Variants in CYP39A1 observed in about 807,000 individuals in gnomAD.
The protein encoded by CYP39A1 is cytochrome P450 family 39 subfamily A member 1, also known as 24-hydroxycholesterol 7-alpha-hydroxylase.
A neutral mutation model predicts 58.1 loss-of-function variants in CYP39A1; 49 were observed. That is an observed-to-expected ratio of 0.84 (90% confidence interval 0.67 to 1.07). The LOEUF is 1.07. Among genes scored for constraint, CYP39A1 ranks in the 50% least tolerant of loss-of-function variants. The probability of loss-of-function intolerance (pLI) is 0.00; values close to 1 mark genes in which losing one functional copy is unlikely to be tolerated. For missense variants in CYP39A1, 531 were observed against 539.4 expected, an observed-to-expected ratio of 0.98 and a Z score of 0.16; for synonymous variants, 209 against 187.6, an observed-to-expected ratio of 1.11 and a Z score of -0.93.
At chr6:46,588,156 C>A (rs1457203629) in intron 8 of CYP39A1, 27 bp from the exon 9 acceptor site, 3 of 1,421,296 alleles carry the variant, frequency 2.1e-6, no homozygotes, top group African/African-American at 2.9e-5. Context: ...AGCTGCAAAT[C>A]ATTTTTTTGA....
intron 1 of CYP39A1, among the ~76,000 whole-genome samples, chr6:46,645,567 CTTGA>C (rs1342324958): frequency 2.0e-5 from 3 of 152,136 alleles, no homozygotes; most frequent in African/African-American, 4.8e-5. Flanking sequence ...ACTAAATCAT[CTTGA>C]TTAATAATAG....
intron 8 of CYP39A1, among the ~76,000 whole-genome samples, chr6:46,594,518 C>T (rs1773026818): frequency 1.3e-5 from 2 of 151,954 alleles, no homozygotes; most frequent in South Asian, 2.1e-4. Context: ...CATTTACAGT[C>T]AATTGAATGT....
intron 11 of CYP39A1, among the ~76,000 whole-genome samples, chr6:46,551,344 G>C (rs1206722057): frequency 7.0e-6 from 1 of 142,982 alleles, no homozygotes; most frequent in Non-Finnish European, 1.5e-5. Context: ...ATTTCCTAAG[G>C]TTCTATGAAC....
chr6:46,648,192 G>T (rs1177328026), intron 1 of CYP39A1, among the ~76,000 whole-genome samples: 1 of 152,050 alleles, frequency 6.6e-6, no homozygotes, highest in Non-Finnish European at 1.5e-5. Context: ...AAATCATGCT[G>T]CTATAAAGAC....
intron 10 of CYP39A1, among the ~76,000 whole-genome samples, chr6:46,563,520 G>C (rs1191868214): frequency 1.3e-5 from 2 of 152,106 alleles, no homozygotes; most frequent in African/African-American, 4.8e-5. Context: ...ATGCTACACA[G>C]GCATTGAGAA....
intron 10 of CYP39A1, chr6:46,583,211 T>C: frequency 1.0e-6 from 1 of 985,426 alleles, no homozygotes; most frequent in African/African-American, 1.7e-5. Context: ...AGCATGCCTT[T>C]ATAAGCAGAT....
chr6:46,632,960 A>G (rs1775751231), intron 5 of CYP39A1, among the ~76,000 whole-genome samples: 2 of 152,222 alleles, frequency 1.3e-5, no homozygotes, highest in African/African-American at 4.8e-5. Flanking sequence ...TATAAAATAC[A>G]TTATAAAATA....
rs150184700 is a variant in CYP39A1 at position 46,605,748 on chromosome 6, T to A, written c.932-9628A>T. Among the ~76,000 whole-genome samples, 1,021 of 152,290 alleles carry A rather than the reference T, an allele frequency of 6.7e-3. 13 individuals carry two copies. The highest frequency in any genetic ancestry group is 0.023 in the African/African-American group (947 of 41,544). On this transcript the variant is annotated intron_variant, in intron 7 of 11. Coordinates refer to ENST00000275016, the MANE Select transcript of CYP39A1 (RefSeq NM_016593.5). Reference sequence around the variant, plus strand: ...ACCTTTATTTTAAAAACCAAGGTGGTTCCAGCAAGCTAGGGCCCTTCACAA... The same window carrying A: ...ACCTTTATTTTAAAAACCAAGGTGGATCCAGCAAGCTAGGGCCCTTCACAA...
chr6:46,577,664 T>C (rs917968693), intron 10 of CYP39A1, among the ~76,000 whole-genome samples: 1 of 152,034 alleles, frequency 6.6e-6, no homozygotes, highest in South Asian at 2.1e-4. Context: ...AAACCAACAA[T>C]GCTCAAAAAG....
chr6:46,561,798 G>A (rs1023888452), intron 10 of CYP39A1, among the ~76,000 whole-genome samples: 16 of 152,008 alleles, frequency 1.1e-4, no homozygotes, highest in Admixed American at 7.2e-4. Context: ...CAAGATCAAC[G>A]TTCATAAGTT....
intron 10 of CYP39A1, chr6:46,583,420 T>C: frequency 1.0e-6 from 1 of 985,354 alleles, no homozygotes; most frequent in Non-Finnish European, 1.2e-6. Flanking sequence ...AGGTGCTCAC[T>C]CAAAGAAGTT....
chr6:46,646,639 ATTC>A (rs911655478), intron 1 of CYP39A1, among the ~76,000 whole-genome samples: 3 of 152,102 alleles, frequency 2.0e-5, no homozygotes, highest in Non-Finnish European at 4.4e-5. Flanking sequence ...CTCATAGTTA[ATTC>A]TTTTTTAAAC....
chr6:46,583,135 A>T, intron 10 of CYP39A1: 2 of 985,348 alleles, frequency 2.0e-6, no homozygotes, highest in Non-Finnish European at 1.2e-6. Flanking sequence ...TTCCTGAGGA[A>T]TCCATGCTTC....
rs185597094 is a variant in CYP39A1 at position 46,598,387 on chromosome 6, A to T, written c.932-2267T>A. Among the ~76,000 whole-genome samples the T allele has an allele frequency of 7.9e-5, 12 of 152,282 alleles. No individual in the cohort carries two copies. In the East Asian group the frequency reaches 1.7e-3, roughly 22 times the overall value. ...AAACCAACCCTATTTTTAATGTCTG[A>T]AGATTACTAGCACATGGCATAAACT... On this transcript the variant is annotated intron_variant, in intron 7 of 11. Coordinates refer to ENST00000275016, the MANE Select transcript of CYP39A1 (RefSeq NM_016593.5).
intron 10 of CYP39A1, among the ~76,000 whole-genome samples, chr6:46,582,454 A>G (rs1772185960): frequency 6.6e-6 from 1 of 152,186 alleles, no homozygotes; most frequent in African/African-American, 2.4e-5. Context: ...TCGCCTTGCT[A>G]TCACTAACAT....
At chr6:46,622,853 T>C (rs1450114803) in intron 7 of CYP39A1, among the ~76,000 whole-genome samples, 5 of 152,026 alleles carry the variant, frequency 3.3e-5, no homozygotes, top group African/African-American at 1.2e-4. Context: ...AGTAAACAAA[T>C]AGAGAACACA....
chr6:46,647,545 A>T (rs1369419048), intron 1 of CYP39A1, among the ~76,000 whole-genome samples: 2 of 152,188 alleles, frequency 1.3e-5, no homozygotes, highest in Admixed American at 1.3e-4. Flanking sequence ...AGAATTTCAC[A>T]TTCTACACCT....
At chr6:46,641,348 G>A (rs1026844080) in intron 2 of CYP39A1, among the ~76,000 whole-genome samples, 10 of 151,858 alleles carry the variant, frequency 6.6e-5, no homozygotes, top group African/African-American at 2.4e-4. Flanking sequence ...ATGCATACAA[G>A]AAGAAAAAAT....
Position 46,639,676 on chromosome 6 carries a change from C to T in CYP39A1, c.314-8G>A. Reference sequence around the variant, plus strand: ...CATTCTTTGGAATTGATGCTATGAACAAAGAAAACTATTTTCAAAATAAGC... The same window carrying T: ...CATTCTTTGGAATTGATGCTATGAATAAAGAAAACTATTTTCAAAATAAGC... On this transcript the variant is annotated splice_region_variant and splice_polypyrimidine_tract_variant and intron_variant, in intron 2 of 11. Transcript: ENST00000275016. The T allele has an allele frequency of 6.2e-7, 1 of 1,604,498 alleles. No homozygotes were observed. Among genetic ancestry groups the T allele is most frequent in the Non-Finnish European group, 8.5e-7 (1 of 1,174,918 alleles).
Sources: gnomAD v4.1 joint callset for allele counts (sites outside exome capture counted in the v4.1 genomes callset) on GRCh38, gnomAD v4.1.1 for gene constraint, MANE v1.5 for transcripts, NCBI Gene and HGNC (gene_info 2026-07-23, HGNC 2026-07-21) for gene names.